Variants in LOC112694756 observed in about 807,000 individuals in gnomAD.
At chr16:30,067,127 G>A in the LOC112694756 span, 2 of 1,578,712 alleles carry the variant, frequency 1.3e-6, no homozygotes, top group Non-Finnish European at 1.7e-6. Context: ...TGTGGGGCAG[G>A]GGAGGTAGGG....
the LOC112694756 span, among the ~76,000 whole-genome samples, chr16:30,065,363 C>T: frequency 2.0e-5 from 3 of 152,226 alleles, no homozygotes; most frequent in Non-Finnish European, 2.9e-5. Context: ...TGGGGCGGCC[C>T]CGGGCCGCGC....
At chr16:30,064,561 C>T in the LOC112694756 span, 4 of 398,686 alleles carry the variant, frequency 1.0e-5, no homozygotes, top group Admixed American at 8.8e-5. Flanking sequence ...TCTTCCTCCC[C>T]CTTCCCCCAT....
chr16:30,067,066 G>C, the LOC112694756 span: 1 of 1,574,716 alleles, frequency 6.4e-7, no homozygotes, highest in Non-Finnish European at 8.6e-7. Context: ...GCAAAGGGAA[G>C]TTGGGCGTAA....
chr16:30,057,352 G>A, the LOC112694756 span, among the ~76,000 whole-genome samples: 3 of 152,164 alleles, frequency 2.0e-5, no homozygotes, highest in African/African-American at 2.4e-5. Flanking sequence ...AGAGTGTTAC[G>A]CAGGAGAGCC....
chr16:30,062,626 G>C, the LOC112694756 span, among the ~76,000 whole-genome samples: 1 of 151,654 alleles, frequency 6.6e-6, no homozygotes, highest in African/African-American at 2.4e-5. Context: ...GCAGATACCT[G>C]AGGTCAGGAA....
chr16:30,068,062 ATTTTTTTTTTT>A, the LOC112694756 span: 1 of 173,010 alleles, frequency 5.8e-6, no homozygotes, highest in African/African-American at 2.8e-5. Context: ...TTTTAAGTAA[ATTTTTTTTTTT>A]TTTTTTTTTG....
the LOC112694756 span, among the ~76,000 whole-genome samples, chr16:30,059,814 T>G: frequency 6.6e-6 from 1 of 151,686 alleles, no homozygotes; most frequent in East Asian, 2.0e-4. Flanking sequence ...CCACCTGCCT[T>G]GGCCTCCCAA....
the LOC112694756 span, among the ~76,000 whole-genome samples, chr16:30,061,491 G>C: frequency 6.7e-6 from 1 of 150,226 alleles, no homozygotes; most frequent in South Asian, 2.1e-4. Context: ...TTGCAGGCAG[G>C]ACTGTACATC....
At chr16:30,067,495 A>G in the LOC112694756 span, 4 of 1,613,324 alleles carry the variant, frequency 2.5e-6, no homozygotes, top group Non-Finnish European at 3.4e-6. Flanking sequence ...GAGAACACCG[A>G]GGAGAACCGG....
the LOC112694756 span, among the ~76,000 whole-genome samples, chr16:30,059,662 G>A: frequency 1.2e-4 from 18 of 149,002 alleles, no homozygotes; most frequent in Non-Finnish European, 2.2e-4. Flanking sequence ...CCCCAGGTTC[G>A]AGTGATTCTC....
At chr16:30,057,287 GTCC>G in the LOC112694756 span, among the ~76,000 whole-genome samples, 2 of 152,104 alleles carry the variant, frequency 1.3e-5, no homozygotes, top group Admixed American at 6.6e-5. Flanking sequence ...AAGGGTTACT[GTCC>G]TCCTCCTGAA....
the LOC112694756 span, among the ~76,000 whole-genome samples, chr16:30,054,208 TACTAGGGAG>T: frequency 1.3e-5 from 2 of 151,914 alleles, no homozygotes; most frequent in Non-Finnish European, 2.9e-5. Context: ...TAATCCCAGC[TACTAGGGAG>T]GCTGAAGTAG....
chr16:30,067,057 C>G, the LOC112694756 span: 2 of 1,575,240 alleles, frequency 1.3e-6, no homozygotes, highest in Admixed American at 3.7e-5. Context: ...GCAGGCCTAG[C>G]AAAGGGAAGT....
the LOC112694756 span, among the ~76,000 whole-genome samples, chr16:30,055,732 T>C: frequency 6.6e-6 from 1 of 152,076 alleles, no homozygotes; most frequent in Non-Finnish European, 1.5e-5. Context: ...AACTGAGAAC[T>C]AAGTTGTTTT....
chr16:30,062,298 C>G, the LOC112694756 span, among the ~76,000 whole-genome samples: 2 of 152,138 alleles, frequency 1.3e-5, no homozygotes, highest in African/African-American at 4.8e-5. Context: ...CTTTGGGAGA[C>G]CAAGGTGGGT....
chr16:30,064,606 T>G, the LOC112694756 span: 1 of 397,664 alleles, frequency 2.5e-6, no homozygotes, highest in Non-Finnish European at 4.4e-6. Context: ...GTCAGGGGCT[T>G]CAGGTTTCCC....
the LOC112694756 span, among the ~76,000 whole-genome samples, chr16:30,063,534 AGTT>A: frequency 6.6e-6 from 1 of 152,252 alleles, no homozygotes; most frequent in South Asian, 2.1e-4. Flanking sequence ...TTCTGAACTC[AGTT>A]GTTCAGAACA....
chr16:30,054,885 G>T, the LOC112694756 span: 2 of 398,998 alleles, frequency 5.0e-6, no homozygotes, highest in Admixed American at 8.8e-5. Context: ...GCATCTATTT[G>T]TTGCTGCTGG....
chr16:30,069,871 T>A, the LOC112694756 span: 1 of 1,614,088 alleles, frequency 6.2e-7, no homozygotes, highest in Non-Finnish European at 8.5e-7. Flanking sequence ...GGAGGAGGCG[T>A]CCATCAACCT....
Sources: gnomAD v4.1 joint callset for allele counts (sites outside exome capture counted in the v4.1 genomes callset) on GRCh38, gnomAD v4.1.1 for gene constraint, MANE v1.5 for transcripts.